Variants in PHGDH observed in about 807,000 individuals in gnomAD.
The protein encoded by PHGDH is D-3-phosphoglycerate dehydrogenase.
A neutral mutation model predicts 52.6 loss-of-function variants in PHGDH; 50 were observed. That is an observed-to-expected ratio of 0.95 (90% CI 0.76 to 1.20). PHGDH has a LOEUF of 1.20. PHGDH is among the 50% of genes most tolerant of loss of function. The probability of loss-of-function intolerance (pLI) is 0.00; values close to 1 mark genes in which losing one functional copy is unlikely to be tolerated. For synonymous variants in PHGDH, 271 were observed against 280.5 expected, an observed-to-expected ratio of 0.97 and a Z score of 0.34; for missense variants, 630 against 684.6, an observed-to-expected ratio of 0.92 and a Z score of 0.89.
chr1:119,720,769 G>T (rs587655485), intron 1 of PHGDH: 9 of 286,196 alleles, frequency 3.1e-5, no homozygotes, highest in South Asian at 3.0e-4. Context: ...AGCAAGCAAT[G>T]TGCAGGAATG....
At chr1:119,723,227 G>C (rs1188818303) in intron 2 of PHGDH, 149 bp from the exon 3 acceptor site, 3 of 726,238 alleles carry the variant, frequency 4.1e-6, no homozygotes, top group Non-Finnish European at 7.6e-6. Context: ...CTTAGGGCGA[G>C]AGTACATCAG....
In PHGDH at chr1:119,734,775, G is replaced by A. The variant is rs377674470; in HGVS notation, c.643+9G>A. 9.9e-6 allele frequency: 16 copies of A among 1,613,884 alleles called. No individual in the cohort carries two copies. In the African/African-American group the frequency reaches 2.1e-4, roughly 22 times the overall value. On this transcript the variant is annotated intron_variant, in intron 6 of 11. Coordinates refer to ENST00000641023, the MANE Select transcript of PHGDH (RefSeq NM_006623.4). Reference sequence around the variant, plus strand: ...CCTGCCCTCCACGACAGGTAGGTGTGTCCTTACATTGTGGATTGGTCACAG... The same window carrying A: ...CCTGCCCTCCACGACAGGTAGGTGTATCCTTACATTGTGGATTGGTCACAG...
At chr1:119,726,816 G>C in intron 3 of PHGDH, 35 bp from the exon 4 acceptor site, 1 of 1,598,446 alleles carries the variant, frequency 6.3e-7, no homozygotes, top group East Asian at 2.2e-5. Context: ...GCGGGAGTCC[G>C]AATGGACCCT....
At chr1:119,743,072 G>A in intron 11 of PHGDH, 28 bp downstream of exon 11, 1 of 1,442,906 alleles carries the variant, frequency 6.9e-7, no homozygotes, top group South Asian at 1.1e-5. Context: ...GGGCTGGCTG[G>A]TGTCCTTGAG....
chr1:119,734,448 T>C (rs1248938151), intron 5 of PHGDH, 186 bp from the exon 6 acceptor site: 1 of 662,056 alleles, frequency 1.5e-6, no homozygotes, highest in Non-Finnish European at 2.7e-6. Context: ...GTACTTAGTA[T>C]ATGGTAAATA....
intron 1 of PHGDH, chr1:119,713,329 A>C (rs1169414357): frequency 6.6e-6 from 1 of 152,448 alleles, no homozygotes; most frequent in Non-Finnish European, 1.5e-5. Flanking sequence ...GTGGTCCTGG[A>C]AACTGCCTCG....
At chr1:119,722,727 CA>C (rs149248198) in intron 2 of PHGDH, among the ~76,000 whole-genome samples, 16,441 of 125,602 alleles carry the variant, frequency 0.13, 885 homozygotes, top group Middle Eastern at 0.16. Flanking sequence ...TACAAAAATA[CA>C]AAAAAAAAAA....
intron 1 of PHGDH, among the ~76,000 whole-genome samples, chr1:119,715,339 A>G (rs1446839693): frequency 6.6e-6 from 1 of 152,242 alleles, no homozygotes; most frequent in Non-Finnish European, 1.5e-5. Context: ...AAGATTAAGA[A>G]GGGAATAAAT....
chr1:119,726,179 A>AGT (rs55671458), intron 3 of PHGDH, among the ~76,000 whole-genome samples: 13,816 of 131,090 alleles, frequency 0.11, 636 homozygotes, highest in East Asian at 0.21. Flanking sequence ...GGCTGTGAAG[A>AGT]GTGTGTGTGT....
chr1:119,727,169 T>C, intron 5 of PHGDH, 67 bp downstream of exon 5: 2 of 946,784 alleles, frequency 2.1e-6, no homozygotes, highest in South Asian at 2.6e-5. Context: ...GCAGCATGTC[T>C]GGGCAGAAGC....
chr1:119,730,939 G>A (rs1246904864), intron 5 of PHGDH, among the ~76,000 whole-genome samples: 2 of 152,184 alleles, frequency 1.3e-5, no homozygotes, highest in Non-Finnish European at 1.5e-5. Flanking sequence ...ACTTAAGGGT[G>A]CAGAATCAGG....
At chr1:119,724,928 T>G in intron 3 of PHGDH, 1 of 456,364 alleles carries the variant, frequency 2.2e-6, no homozygotes, top group Non-Finnish European at 4.4e-6. Flanking sequence ...ATGCGTTCGT[T>G]TCATCAGACT....
rs587725332 is a variant in PHGDH, at chr1:119,741,953, C to T, written c.1209+56C>T. On this transcript the variant is annotated intron_variant, in intron 10 of 11. Transcript: ENST00000641023. ...ATCCCTGTCAGCACTAGTCTTCTCCCCCACATTTCCAGAGCCCGTTCTCTG... is the reference window on the plus strand; with the variant it reads ...ATCCCTGTCAGCACTAGTCTTCTCCTCCACATTTCCAGAGCCCGTTCTCTG... 250 of 1,484,652 alleles carry T rather than the reference C, an allele frequency of 1.7e-4. 2 individuals carry two copies. In the South Asian group the frequency reaches 2.2e-3, roughly 13 times the overall value. 92.0% of individuals were successfully genotyped at this position (1,484,652 alleles called of 1,614,324 possible).
chr1:119,723,276 G>A, intron 2 of PHGDH, 100 bp from the exon 3 acceptor site: 1 of 922,932 alleles, frequency 1.1e-6, no homozygotes, highest in Non-Finnish European at 1.8e-6. Flanking sequence ...CATGGAGCAG[G>A]AGTGAGAGAA....
At chr1:119,724,676 T>TTTG in intron 3 of PHGDH, 1 of 391,138 alleles carries the variant, frequency 2.6e-6, no homozygotes, top group Non-Finnish European at 4.9e-6. Context: ...TTTTTTTTTT[T>TTTG]GAGTAAGGGA....
intron 5 of PHGDH, chr1:119,727,830 T>C (rs587653134): frequency 6.6e-6 from 1 of 152,550 alleles, no homozygotes; most frequent in East Asian, 1.9e-4. Flanking sequence ...CGAGACTCCG[T>C]CTTAAAAAAC....
intron 10 of PHGDH, 99 bp from the exon 11 acceptor site, chr1:119,742,708 T>C: frequency 1.3e-6 from 1 of 778,400 alleles, no homozygotes; most frequent in Non-Finnish European, 2.3e-6. Flanking sequence ...TTATCCAGGC[T>C]GGAGCCCTAC....
rs916074799 is a variant in PHGDH at position 119,720,053 on chromosome 1, G to A, written c.139-1117G>A. The A allele has an allele frequency of 3.9e-5, 6 of 152,270 alleles. No individual in the cohort carries two copies. The South Asian group carries it at 6.2e-4, about 16-fold the overall frequency. The allele number at this position is 152,270 out of a possible 1,614,324, so 9.4% of individuals were successfully genotyped here. On this transcript the variant is annotated intron_variant, in intron 1 of 11. Transcript: ENST00000641023. ...AAAGCATACTTGCTGCTTTCTTACCGGCCTGGTGTCTGCCACTTTGGGACA... is the reference window on the plus strand; with the variant it reads ...AAAGCATACTTGCTGCTTTCTTACCAGCCTGGTGTCTGCCACTTTGGGACA...
At chr1:119,718,424 A>G (rs1022212189) in intron 1 of PHGDH, among the ~76,000 whole-genome samples, 1 of 152,236 alleles carries the variant, frequency 6.6e-6, no homozygotes, top group African/African-American at 2.4e-5. Context: ...TATTGTTACT[A>G]GTAAATCTCT....
Sources: allele counts gnomAD v4.1 joint callset (sites outside exome capture counted in the v4.1 genomes callset), GRCh38; gene constraint gnomAD v4.1.1; transcripts MANE v1.5; gene names NCBI Gene and HGNC (gene_info 2026-07-23, HGNC 2026-07-21).